Variants in SPAG16 observed in about 807,000 individuals in gnomAD.
SPAG16 encodes the protein sperm associated antigen 16.
In SPAG16, 86 loss-of-function variants were observed where a neutral mutation model predicts 80.4. That is an observed-to-expected ratio of 1.07 (90% CI 0.90 to 1.28). The LOEUF is 1.28. SPAG16 is among the 50% of genes most tolerant of loss of function. The pLI is 0.00. For missense variants in SPAG16, 870 were observed against 765.3 expected (o/e 1.14, Z -1.61); for synonymous variants, 294 against 265.9 (o/e 1.11, Z -1.03).
At chr2:213,306,800 C>T (rs2062958992) in intron 3 of SPAG16, among the ~76,000 whole-genome samples, 1 of 152,088 alleles carries the variant, frequency 6.6e-6, no homozygotes, top group Admixed American at 6.5e-5. Flanking sequence ...GATTTTCTCT[C>T]CATGCCACTT....
At chr2:213,807,132 C>T (rs1009191986) in intron 10 of SPAG16, among the ~76,000 whole-genome samples, 3 of 152,106 alleles carry the variant, frequency 2.0e-5, no homozygotes, top group Non-Finnish European at 4.4e-5. Context: ...TACCAACTAA[C>T]ACACTATTTT....
In SPAG16 at chr2:213,804,705, CTAACTAACT is replaced by C. The variant is rs1336678460; in HGVS notation, c.1071-57779_1071-57771del. ...CTCAACTAACTAACTAACTAACTAA[CTAACTAACT>C]AACTAACTAACTAACTAAGATTACG... On this transcript the variant is annotated intron_variant, in intron 10 of 15. Transcript: ENST00000331683. Among the ~76,000 whole-genome samples, 49 of 151,610 alleles carry C rather than the reference CTAACTAACT, an allele frequency of 3.2e-4. 1 individual carries two copies. Among genetic ancestry groups the C allele is most frequent in the African/African-American group, 1.2e-3 (48 of 41,046 alleles).
At chr2:214,059,684 A>C (rs1198884298) in intron 13 of SPAG16, among the ~76,000 whole-genome samples, 1 of 151,910 alleles carries the variant, frequency 6.6e-6, no homozygotes, top group African/African-American at 2.4e-5. Context: ...TTTATTGGGA[A>C]CTATCACTTA....
At chr2:214,063,284 C>T (rs1405770788) in intron 13 of SPAG16, among the ~76,000 whole-genome samples, 1 of 152,110 alleles carries the variant, frequency 6.6e-6, no homozygotes, top group African/African-American at 2.4e-5. Context: ...GCTTCACAAC[C>T]TCTCTTATCT....
intron 6 of SPAG16, among the ~76,000 whole-genome samples, chr2:213,340,804 C>T (rs1265211473): frequency 1.3e-5 from 2 of 152,042 alleles, no homozygotes; most frequent in Admixed American, 1.3e-4. Flanking sequence ...TTGAGATTTA[C>T]TTTCTCTCCT....
intron 13 of SPAG16, among the ~76,000 whole-genome samples, chr2:214,074,736 C>G (rs917460088): frequency 6.6e-6 from 1 of 151,888 alleles, no homozygotes; most frequent in African/African-American, 2.4e-5. Flanking sequence ...GAGATTTGAA[C>G]AGTACATATA....
At chr2:213,914,023 C>G (rs188642675) in intron 11 of SPAG16, among the ~76,000 whole-genome samples, 5 of 152,210 alleles carry the variant, frequency 3.3e-5, no homozygotes, top group Non-Finnish European at 2.9e-5. Flanking sequence ...CATACCTCCA[C>G]AGAGATATTT....
chr2:214,209,441 A>G (rs931578733), intron 15 of SPAG16, among the ~76,000 whole-genome samples: 1 of 152,204 alleles, frequency 6.6e-6, no homozygotes, highest in African/African-American at 2.4e-5. Context: ...ATCAATCGAG[A>G]GATGTTCAAA....
At chr2:213,456,752 C>A (rs78893663) in intron 9 of SPAG16, among the ~76,000 whole-genome samples, 9,106 of 151,988 alleles carry the variant, frequency 0.06, 903 homozygotes, top group African/African-American at 0.21. Context: ...TGAATTGTGA[C>A]TTACAGTTTT....
rs572777308 is a variant in SPAG16, at chr2:214,107,966, A to G, written c.1528-230A>G. 2.0e-5 allele frequency among the ~76,000 whole-genome samples: 3 copies of G among 152,274 alleles called. No homozygotes were observed. In the East Asian group the frequency reaches 5.8e-4, roughly 29 times the overall value. ...CTACCAGCTCAGTGGTGTAAAAGCA[A>G]CAACAGTAGAATTTCAGTGTAGATA... is the stretch of plus-strand genomic sequence containing the variant. On this transcript the variant is annotated intron_variant, in intron 13 of 15. Coordinates refer to ENST00000331683, the MANE Select transcript of SPAG16 (RefSeq NM_024532.5).
At chr2:214,272,694 A>G (rs948308413) in intron 15 of SPAG16, among the ~76,000 whole-genome samples, 2 of 152,164 alleles carry the variant, frequency 1.3e-5, no homozygotes, top group African/African-American at 4.8e-5. Flanking sequence ...TGTATCACTG[A>G]TGGATAGTTG....
intron 10 of SPAG16, among the ~76,000 whole-genome samples, chr2:213,767,304 G>A (rs767235066): frequency 6.6e-5 from 10 of 152,068 alleles, no homozygotes; most frequent in Non-Finnish European, 1.5e-4. Flanking sequence ...ACGCAGTAGG[G>A]TATCATGTAA....
At chr2:214,192,772 C>T (rs2057703086) in intron 15 of SPAG16, among the ~76,000 whole-genome samples, 1 of 152,042 alleles carries the variant, frequency 6.6e-6, no homozygotes, top group Admixed American at 6.6e-5. Flanking sequence ...ACTCTGTTTA[C>T]AAAATTGTGC....
chr2:213,798,610 T>C (rs1272370014), intron 10 of SPAG16, among the ~76,000 whole-genome samples: 1 of 152,138 alleles, frequency 6.6e-6, no homozygotes. Context: ...GCCTAGTGTA[T>C]TGTTTATTTA....
chr2:213,597,346 A>G (rs1263323736), intron 10 of SPAG16, among the ~76,000 whole-genome samples: 1 of 152,200 alleles, frequency 6.6e-6, no homozygotes, highest in Non-Finnish European at 1.5e-5. Flanking sequence ...ACAGCATTGT[A>G]GAATATAGTC....
Position 213,346,180 on chromosome 2 carries a change from T to G in SPAG16, c.645-4348T>G, listed in dbSNP as rs1038084659. ...AGTTCACTCATGATTTGGCTCTCTG[T>G]TTGTCTGTTATTGGTGTATAAGAAT... On this transcript the variant is annotated intron_variant, in intron 6 of 15. Coordinates refer to ENST00000331683, the MANE Select transcript of SPAG16 (RefSeq NM_024532.5). Among the ~76,000 whole-genome samples, 177 of 152,248 alleles carry G rather than the reference T, an allele frequency of 1.2e-3. 1 individual carries two copies. The highest frequency in any genetic ancestry group is 2.2e-3 in the Non-Finnish European group (150 of 67,988).
chr2:213,578,886 G>T (rs1168663597), intron 10 of SPAG16, among the ~76,000 whole-genome samples: 2 of 151,688 alleles, frequency 1.3e-5, no homozygotes, highest in African/African-American at 4.8e-5. Context: ...CCTTTTGTAA[G>T]AACTGTTAAT....
intron 14 of SPAG16, among the ~76,000 whole-genome samples, chr2:214,142,929 C>A (rs565482443): frequency 6.6e-6 from 1 of 152,256 alleles, no homozygotes; most frequent in South Asian, 2.1e-4. Context: ...AAACCCAAAA[C>A]CCAGAGCCTA....
At chr2:213,929,517 G>A (rs1461726694) in intron 11 of SPAG16, among the ~76,000 whole-genome samples, 2 of 152,056 alleles carry the variant, frequency 1.3e-5, no homozygotes, top group African/African-American at 4.8e-5. Flanking sequence ...CTGCACTCCT[G>A]AAGCATTTAA....
Sources: allele counts gnomAD v4.1 joint callset (sites outside exome capture counted in the v4.1 genomes callset), GRCh38; gene constraint gnomAD v4.1.1; transcripts MANE v1.5; gene names NCBI Gene and HGNC (gene_info 2026-07-23, HGNC 2026-07-21).